The following BCL2L1 variants were observed in gnomAD, a reference collection of about 807,000 sequenced individuals.
BCL2L1 encodes BCL2 like 1, also known as bcl-2-like protein 1.
A neutral mutation model predicts 18.7 loss-of-function variants in BCL2L1; 1 was observed. The ratio of observed to expected loss-of-function variants is 0.05; its 90% CI spans 0.02 to 0.25. BCL2L1 has a LOEUF of 0.25. BCL2L1 is among the 10% of genes least tolerant of loss of function. The pLI, the probability that BCL2L1 is intolerant of heterozygous loss-of-function variation, is 1.00. For missense variants in BCL2L1, 207 were observed against 304.9 expected (o/e 0.68, Z 2.39); for synonymous variants, 103 against 122.7 (o/e 0.84, Z 1.06).
chr20:31,680,642 G>A (rs907712995), intron 2 of BCL2L1, among the ~76,000 whole-genome samples: 1 of 152,194 alleles, frequency 6.6e-6, no homozygotes, highest in African/African-American at 2.4e-5. Context: ...GCCCAGACAG[G>A]CTGCCTTCCC....
rs140449280 is a variant in BCL2L1 at position 31,708,423 on chromosome 20, GGA to G, written c.564+13230_564+13231del. Among the ~76,000 whole-genome samples the G allele has an allele frequency of 5.9e-4, 90 of 152,336 alleles. 3 individuals are homozygous for G. The East Asian group carries it at 8.3e-3, about 14-fold the overall frequency. On this transcript the variant is annotated intron_variant, in intron 2 of 2. Transcript: ENST00000307677. ...TTTTGGACCCAAGAAGCCTCAGAGA[GGA>G]GAGACTGGCAAAGCCCTGAACTGCA...
At position 31,722,744 on chromosome 20, in the gene BCL2L1, A is replaced by G. The variant is rs1277143388; in HGVS notation, c.-257T>C. On this transcript the variant is annotated 5_prime_UTR_variant, in exon 1 of 3. Transcript: ENST00000307677. Reference sequence around the variant, plus strand: ...AGCCGGCCTCGCGGTGGCTGGCAAAAAAACCAGCTCCGGCCGGAGGGATCA... The same window carrying G: ...AGCCGGCCTCGCGGTGGCTGGCAAAGAAACCAGCTCCGGCCGGAGGGATCA... The G allele has an allele frequency of 6.6e-6, 1 of 152,158 alleles. No individual in the cohort carries two copies. Among genetic ancestry groups the G allele is most frequent in the East Asian group, 1.9e-4 (1 of 5,174 alleles). The allele number at this position is 152,158 out of a possible 1,614,324, so 9.4% of individuals were successfully genotyped here.
intron 2 of BCL2L1, among the ~76,000 whole-genome samples, chr20:31,701,524 T>G (rs2061277092): frequency 6.6e-6 from 1 of 152,196 alleles, no homozygotes; most frequent in Non-Finnish European, 1.5e-5. Flanking sequence ...CCCGACTCCC[T>G]TAGCTACATT....
chr20:31,723,280 G>T (rs2061666435), upstream of BCL2L1: 1 of 985,698 alleles, frequency 1.0e-6, no homozygotes, highest in Non-Finnish European at 1.2e-6. Flanking sequence ...TCCATTCCCC[G>T]CCCGGACACA....
chr20:31,699,502 TGAG>T (rs1201938696), intron 2 of BCL2L1, among the ~76,000 whole-genome samples: 1 of 152,228 alleles, frequency 6.6e-6, no homozygotes, highest in African/African-American at 2.4e-5. Context: ...CTCCTGAAGA[TGAG>T]GAGAAAGAGT....
At chr20:31,709,325 G>A (rs868476898) in intron 2 of BCL2L1, among the ~76,000 whole-genome samples, 1 of 152,142 alleles carries the variant, frequency 6.6e-6, no homozygotes, top group South Asian at 2.1e-4. Context: ...TCGTGTGTGT[G>A]TGTGCGCGCG....
intron 2 of BCL2L1, among the ~76,000 whole-genome samples, chr20:31,697,262 ACAG>A (rs2122670508): frequency 6.6e-6 from 1 of 152,200 alleles, no homozygotes; most frequent in East Asian, 1.9e-4. Flanking sequence ...CAATAGAGGG[ACAG>A]GCCATTAGAT....
At chr20:31,703,938 T>C (rs1366128942) in intron 2 of BCL2L1, among the ~76,000 whole-genome samples, 3 of 141,358 alleles carry the variant, frequency 2.1e-5, no homozygotes, top group Admixed American at 7.1e-5. Flanking sequence ...GCCGGGACTA[T>C]AGGCCCACGC....
At chr20:31,700,479 A>C (rs1200581973) in intron 2 of BCL2L1, among the ~76,000 whole-genome samples, 1 of 152,150 alleles carries the variant, frequency 6.6e-6, no homozygotes, top group Non-Finnish European at 1.5e-5. Flanking sequence ...AGATCCTACA[A>C]ACCTGGTTCT....
chr20:31,687,793 G>A (rs2060988171), intron 2 of BCL2L1, among the ~76,000 whole-genome samples: 1 of 152,100 alleles, frequency 6.6e-6, no homozygotes, highest in Non-Finnish European at 1.5e-5. Flanking sequence ...ATAGCTTCCA[G>A]GCTGGCTGTT....
chr20:31,688,893 G>A (rs1222248901), intron 2 of BCL2L1, among the ~76,000 whole-genome samples: 1 of 152,114 alleles, frequency 6.6e-6, no homozygotes, highest in African/African-American at 2.4e-5. Flanking sequence ...ATACAACTTT[G>A]ATATTTGCAT....
chr20:31,688,444 C>CAAAAA (rs11362299), intron 2 of BCL2L1, among the ~76,000 whole-genome samples: 2 of 86,684 alleles, frequency 2.3e-5, no homozygotes, highest in African/African-American at 7.5e-5. Flanking sequence ...ACTCTGTCTC[C>CAAAAA]AAAAAAAAAA....
At chr20:31,716,347 C>G (rs1393886226) in intron 2 of BCL2L1, among the ~76,000 whole-genome samples, 1 of 152,116 alleles carries the variant, frequency 6.6e-6, no homozygotes, top group Non-Finnish European at 1.5e-5. Context: ...GCTTTATTTT[C>G]TTCATAGCAT....
At chr20:31,672,697 C>T (rs1422828983) in intron 2 of BCL2L1, among the ~76,000 whole-genome samples, 1 of 152,182 alleles carries the variant, frequency 6.6e-6, no homozygotes, top group Non-Finnish European at 1.5e-5. Context: ...ATGCAGGTCA[C>T]CTTGTAGGTG....
intron 2 of BCL2L1, among the ~76,000 whole-genome samples, chr20:31,685,272 T>C (rs1038032580): frequency 6.6e-6 from 1 of 151,676 alleles, no homozygotes; most frequent in Non-Finnish European, 1.5e-5. Context: ...TGGTGGCGGG[T>C]GTCTGTAGTC....
chr20:31,697,463 A>T (rs1447788455), intron 2 of BCL2L1, among the ~76,000 whole-genome samples: 1 of 150,176 alleles, frequency 6.7e-6, no homozygotes, highest in Admixed American at 6.6e-5. Flanking sequence ...TTTTAGACGG[A>T]GTCTCGCTCT....
At chr20:31,719,132 TG>T (rs750488989) in intron 2 of BCL2L1, among the ~76,000 whole-genome samples, 9 of 151,134 alleles carry the variant, frequency 6.0e-5, no homozygotes, top group Middle Eastern at 7.1e-3. Context: ...GCCGTTTCCA[TG>T]AAGGAAGGTA....
intron 2 of BCL2L1, among the ~76,000 whole-genome samples, chr20:31,677,733 C>T (rs1395477538): frequency 1.3e-5 from 2 of 152,162 alleles, no homozygotes; most frequent in African/African-American, 4.8e-5. Context: ...AGACTCAGGA[C>T]CTTTGCCCAC....
chr20:31,711,739 C>T (rs2061455533), intron 2 of BCL2L1, among the ~76,000 whole-genome samples: 1 of 152,198 alleles, frequency 6.6e-6, no homozygotes, highest in Non-Finnish European at 1.5e-5. Context: ...TACTGTGGGA[C>T]AAGACCCCTT....
Sources: gnomAD v4.1 joint callset for allele counts (sites outside exome capture counted in the v4.1 genomes callset) on GRCh38, gnomAD v4.1.1 for gene constraint, MANE v1.5 for transcripts, NCBI Gene and HGNC (gene_info 2026-07-23, HGNC 2026-07-21) for gene names.